Variants in KIRREL3 observed in about 807,000 individuals in gnomAD.
The protein encoded by KIRREL3 is kin of IRRE-like protein 3.
KIRREL3 carries 36 observed loss-of-function variants against 89.7 expected under a neutral mutation model. The observed-to-expected ratio is 0.40, with a 90% CI of 0.31 to 0.53. The LOEUF (loss-of-function observed/expected upper bound fraction) is 0.53. KIRREL3 is among the 20% of genes least tolerant of loss of function. The probability of loss-of-function intolerance (pLI) is 0.49; values close to 1 mark genes in which losing one functional copy is unlikely to be tolerated. For synonymous variants in KIRREL3, 445 were observed against 441.4 expected, an observed-to-expected ratio of 1.01 and a Z score of -0.10; for missense variants, 864 against 1,056.6, an observed-to-expected ratio of 0.82 and a Z score of 2.53.
intron 1 of KIRREL3, among the ~76,000 whole-genome samples, chr11:126,698,402 T>A (rs1947182906): frequency 6.6e-6 from 1 of 152,216 alleles, no homozygotes; most frequent in South Asian, 2.1e-4. Flanking sequence ...AACGCTATTA[T>A]GAAGTCCAAA....
At position 126,686,561 on chromosome 11, in the gene KIRREL3, A is replaced by G. The variant is rs1472283278; in HGVS notation, c.56-123649T>C. On this transcript the variant is annotated intron_variant, in intron 1 of 16. Coordinates refer to ENST00000525144, the MANE Select transcript of KIRREL3 (RefSeq NM_032531.4). This position sits in a 1 kb window ranked among gnomAD's most constrained non-coding sequence, Gnocchi z 4.7. The stretch of plus-strand genomic sequence containing the variant: ...TGCGTTCCTGCGCATGTTACCCTAC[A>G]CTGAATTTTATTTTTTTATTATTTT... Among the ~76,000 whole-genome samples, 1 of 152,074 alleles carries G rather than the reference A, an allele frequency of 6.6e-6. No individual in the cohort carries two copies. Among genetic ancestry groups the G allele is most frequent in the Non-Finnish European group, 1.5e-5 (1 of 68,002 alleles).
At chr11:126,923,144 T>TTC (rs1230095918) in intron 1 of KIRREL3, among the ~76,000 whole-genome samples, 1 of 14,294 alleles carries the variant, frequency 7.0e-5, no homozygotes, top group Admixed American at 8.2e-4. Context: ...CTTCTTCTTC[T>TTC]TCTTCTTCTT....
At chr11:126,681,986 T>C (rs1164159428) in intron 1 of KIRREL3, 2 of 426,364 alleles carry the variant, frequency 4.7e-6, no homozygotes, top group Non-Finnish European at 9.5e-6. Context: ...CAGATGAGTT[T>C]GGGAATCAGG....
intron 1 of KIRREL3, among the ~76,000 whole-genome samples, chr11:126,911,705 C>T (rs532419431): frequency 1.1e-4 from 16 of 152,274 alleles, no homozygotes; most frequent in African/African-American, 2.4e-4. Context: ...GAACGGCATC[C>T]GGGCACGGTG....
chr11:126,476,142 T>C lies in KIRREL3; in HGVS notation c.434-2676A>G, dbSNP rs989204156. 3.4e-4 allele frequency among the ~76,000 whole-genome samples: 51 copies of C among 152,142 alleles called. No individual in the cohort carries two copies. Among genetic ancestry groups the C allele is most frequent in the African/African-American group, 1.2e-3 (50 of 41,432 alleles). On this transcript the variant is annotated intron_variant, in intron 4 of 16. Coordinates refer to ENST00000525144, the MANE Select transcript of KIRREL3 (RefSeq NM_032531.4). This position sits in a 1 kb window ranked among gnomAD's most constrained non-coding sequence, Gnocchi z 6.4. ...ACTGACCGCTCTCCAGCACGGACAT[T>C]TACTGGGCCTTGGACAGGGGTTTGA...
chr11:126,539,629 T>C (rs12283828), intron 2 of KIRREL3, among the ~76,000 whole-genome samples: 10,799 of 152,224 alleles, frequency 0.071, 1,182 homozygotes, highest in African/African-American at 0.24. Context: ...TGTGAATGGA[T>C]GATGGAGGAG....
chr11:126,889,637 T>C (rs79621007), intron 1 of KIRREL3, among the ~76,000 whole-genome samples: 1,593 of 152,340 alleles, frequency 0.01, 19 homozygotes, highest in African/African-American at 0.034. Flanking sequence ...AGGGCTTCTA[T>C]GCACAGCTTC....
At position 126,797,430 on chromosome 11, in the gene KIRREL3, G is replaced by T. The variant is rs1167378831; in HGVS notation, c.55+203025C>A. Among the ~76,000 whole-genome samples, 4 of 152,188 alleles carry T rather than the reference G, an allele frequency of 2.6e-5. No homozygotes were observed. The highest frequency in any genetic ancestry group is 4.4e-5 in the Non-Finnish European group (3 of 68,038). ...ATTGGTTGGAAGAATCTGCTGGTCA[G>T]TGTCGGGGGCCCTTCAACTTCTGCT... On this transcript the variant is annotated intron_variant, in intron 1 of 16. Coordinates refer to ENST00000525144, the MANE Select transcript of KIRREL3 (RefSeq NM_032531.4). The surrounding 1 kb of genome is among the most constrained non-coding windows in gnomAD (Gnocchi z 4.9).
At chr11:126,604,735 C>T (rs574380656) in intron 1 of KIRREL3, among the ~76,000 whole-genome samples, 3 of 152,304 alleles carry the variant, frequency 2.0e-5, no homozygotes, top group East Asian at 1.9e-4. Flanking sequence ...TCTAAACAAG[C>T]GTGTCTGAGC....
rs1003876017 is a variant in KIRREL3 at position 126,635,967 on chromosome 11, G to A, written c.56-73055C>T. ...CAGGGCCAGCAGGCCTACAGGTAGCGGGAGGGATCAGTGGAGGAAGCGACG... is the reference window on the plus strand; with the variant it reads ...CAGGGCCAGCAGGCCTACAGGTAGCAGGAGGGATCAGTGGAGGAAGCGACG... On this transcript the variant is annotated intron_variant, in intron 1 of 16. Transcript: ENST00000525144. This position sits in a 1 kb window ranked among gnomAD's most constrained non-coding sequence, Gnocchi z 4.0. Among the ~76,000 whole-genome samples the A allele has an allele frequency of 2.6e-5, 4 of 152,202 alleles. No homozygotes were observed. The South Asian group carries it at 6.2e-4, about 24-fold the overall frequency.
Position 126,635,966 on chromosome 11 carries a change from C to A in KIRREL3, c.56-73054G>T, listed in dbSNP as rs12289242. 5.8e-4 allele frequency among the ~76,000 whole-genome samples: 89 copies of A among 152,244 alleles called. No individual in the cohort carries two copies. The highest frequency in any genetic ancestry group is 3.4e-3 in the Middle Eastern group (1 of 294). ...GCAGGGCCAGCAGGCCTACAGGTAG[C>A]GGGAGGGATCAGTGGAGGAAGCGAC... On this transcript the variant is annotated intron_variant, in intron 1 of 16. Transcript: ENST00000525144. This position sits in a 1 kb window ranked among gnomAD's most constrained non-coding sequence, Gnocchi z 4.0.
chr11:126,429,005 C>T lies in KIRREL3; in HGVS notation c.1806+174G>A, dbSNP rs186331837. Among the ~76,000 whole-genome samples the T allele has an allele frequency of 6.6e-6, 1 of 152,294 alleles. No individual in the cohort carries two copies. The highest frequency in any genetic ancestry group is 2.4e-5 in the African/African-American group (1 of 41,570). ...GAACACAAGCACAGTACAGCAGGCA[C>T]ACACTCACATTTGTTGGCTGAGAGT... On this transcript the variant is annotated intron_variant, in intron 15 of 16. Transcript: ENST00000525144. This position sits in a 1 kb window ranked among gnomAD's most constrained non-coding sequence, Gnocchi z 5.2.
intron 1 of KIRREL3, among the ~76,000 whole-genome samples, chr11:126,933,746 A>C (rs1373306769): frequency 6.7e-6 from 1 of 148,698 alleles, no homozygotes; most frequent in Admixed American, 6.8e-5. Context: ...TTAACAAAAG[A>C]AGTGAAATAC....
chr11:126,675,400 C>G (rs749921016), intron 1 of KIRREL3, among the ~76,000 whole-genome samples: 1 of 152,186 alleles, frequency 6.6e-6, no homozygotes. Flanking sequence ...AAGCCCACAA[C>G]TTTGGACTGA....
At chr11:126,930,636 G>C (rs1592391964) in intron 1 of KIRREL3, among the ~76,000 whole-genome samples, 1 of 152,146 alleles carries the variant, frequency 6.6e-6, no homozygotes, top group African/African-American at 2.4e-5. Context: ...TAGGAAGTAG[G>C]TCACTGGATT....
chr11:126,473,033 CTACCTAACCCCCCCA>C (rs1440667500), intron 5 of KIRREL3, among the ~76,000 whole-genome samples: 23 of 78,884 alleles, frequency 2.9e-4, no homozygotes, highest in South Asian at 1.5e-3. Flanking sequence ...ATCCTCCCCT[CTACCTAACCCCCCCA>C]GCCCCTCTCC....
chr11:126,707,298 C>T (rs1007584197), intron 1 of KIRREL3, among the ~76,000 whole-genome samples: 10 of 139,474 alleles, frequency 7.2e-5, no homozygotes, highest in South Asian at 2.4e-4. Flanking sequence ...CACATATATA[C>T]ATCTGACACA....
At chr11:126,804,562 C>A (rs11220620) in intron 1 of KIRREL3, among the ~76,000 whole-genome samples, 37,309 of 152,014 alleles carry the variant, frequency 0.25, 4,955 homozygotes, top group Non-Finnish European at 0.31. Flanking sequence ...TTCACCTTGA[C>A]AAATATTTCT....
intron 1 of KIRREL3, among the ~76,000 whole-genome samples, chr11:126,962,612 C>T (rs1028598173): frequency 1.7e-4 from 26 of 152,240 alleles, no homozygotes; most frequent in Non-Finnish European, 2.8e-4. Flanking sequence ...TTTAGAATAT[C>T]CAATAAGCTT....
Sources: allele counts gnomAD v4.1 joint callset (sites outside exome capture counted in the v4.1 genomes callset), GRCh38; gene constraint gnomAD v4.1.1; non-coding constraint Gnocchi (gnomAD v3.1); transcripts MANE v1.5; gene names NCBI Gene and HGNC (gene_info 2026-07-23, HGNC 2026-07-21).